Variants in STAC3 observed in about 807,000 individuals in gnomAD.
STAC3 encodes SH3 and cysteine-rich domain-containing protein 3.
A neutral mutation model predicts 48.5 loss-of-function variants in STAC3; 30 were observed. That is an observed-to-expected ratio of 0.62 (90% CI 0.46 to 0.84). STAC3 has a LOEUF of 0.84. Ranked by LOEUF, STAC3 falls within the 40% of genes least tolerant of loss-of-function variation. The pLI is 0.00. For missense variants in STAC3, 419 were observed against 462.6 expected (o/e 0.91, Z 0.86); for synonymous variants, 144 against 158.6 (o/e 0.91, Z 0.69).
intron 6 of STAC3, among the ~76,000 whole-genome samples, chr12:57,246,236 A>T (rs777014210): frequency 1.3e-5 from 2 of 152,014 alleles, no homozygotes; most frequent in Non-Finnish European, 2.9e-5. Context: ...ACAAGTCATT[A>T]ATTCACTCCA....
intron 4 of STAC3, 162 bp from the exon 5 acceptor site, chr12:57,248,360 C>T (rs2037809708): frequency 4.8e-6 from 3 of 623,426 alleles, no homozygotes; most frequent in Admixed American, 2.8e-5. Context: ...GGGTAGCTGG[C>T]TGGTGACATG....
chr12:57,249,683 T>C, intron 1 of STAC3, 46 bp from the exon 2 acceptor site: 1 of 1,603,198 alleles, frequency 6.2e-7, no homozygotes. Context: ...CCTTTCATTC[T>C]TCTCTCCCTT....
chr12:57,249,546 C>G (rs376707463), intron 2 of STAC3, 25 bp downstream of exon 2: 1 of 1,613,408 alleles, frequency 6.2e-7, no homozygotes, highest in Admixed American at 1.7e-5. Flanking sequence ...CCCCCCACAC[C>G]CAGTGGTCAG....
rs150268069 is a variant in STAC3, at chr12:57,244,071, T to A, written c.996+17A>T. The A allele has an allele frequency of 0.012, 18,621 of 1,613,870 alleles. 160 individuals carry two copies. The highest frequency in any genetic ancestry group is 0.014 in the Non-Finnish European group (16,578 of 1,179,966). On this transcript the variant is annotated intron_variant, in intron 11 of 11. Transcript: ENST00000332782. Reference sequence around the variant, plus strand: ...GGGAGCATTCAGGCCTGGGATTGGGTTGGGGCAACAGCCTACCTGGTCCTT... The same window carrying A: ...GGGAGCATTCAGGCCTGGGATTGGGATGGGGCAACAGCCTACCTGGTCCTT...
Position 57,245,215 on chromosome 12 carries a change from G to A in STAC3, c.604-4C>T. On this transcript the variant is annotated splice_region_variant and splice_polypyrimidine_tract_variant and intron_variant, in intron 6 of 11. Coordinates refer to ENST00000332782, the MANE Select transcript of STAC3 (RefSeq NM_145064.3). The stretch of plus-strand genomic sequence containing the variant: ...CCTCCATCATGGCTGCTACAGGCTG[G>A]AGGGGGCACCAGAGTTAGGGAGACG... The A allele has an allele frequency of 6.2e-7, 1 of 1,614,066 alleles. No homozygotes were observed. The highest frequency in any genetic ancestry group is 1.3e-5 in the African/African-American group (1 of 75,032).
In STAC3 at chr12:57,245,018, T is replaced by C. The variant is rs907430902; in HGVS notation, c.671-53A>G. On this transcript the variant is annotated intron_variant, in intron 7 of 11. Coordinates refer to ENST00000332782, the MANE Select transcript of STAC3 (RefSeq NM_145064.3). ...CTGTCTCCTGGAGGGCAATTCTTAT[T>C]CTCTTACCCTTTTGTGGAAGGGCCT... 3.7e-6 allele frequency: 6 copies of C among 1,610,046 alleles called. No individual in the cohort carries two copies. The African/African-American group carries it at 6.7e-5, about 18-fold the overall frequency.
Position 57,243,908 on chromosome 12 carries a change from G to A in STAC3, c.999C>T (p.Ile333=), listed in dbSNP as rs754352201. 2 of 1,613,598 alleles carry A rather than the reference G, an allele frequency of 1.2e-6. No individual in the cohort carries two copies. Among genetic ancestry groups the A allele is most frequent in the Non-Finnish European group, 8.5e-7 (1 of 1,179,850 alleles). The part of the protein sequence containing the change: ...IGQITLKKDQ[I]VVQKGDEAGG... The stretch of plus-strand genomic sequence containing the variant: ...CCGCTTCGTCTCCTTTCTGCACCAC[G>A]ATCTAGAAGATTAAAGGATCAGAAG... The change falls in exon 12 of 12, where the codon ATC becomes ATT. Residue 333 remains isoleucine, a splice_region_variant and synonymous_variant. Coordinates refer to ENST00000332782, the MANE Select transcript of STAC3 (RefSeq NM_145064.3).
chr12:57,249,845 T>C (rs900952056), intron 1 of STAC3: 5 of 509,912 alleles, frequency 9.8e-6, no homozygotes, highest in African/African-American at 9.7e-5. Context: ...AGCCTCGACC[T>C]CCCAGCCTGA....
intron 11 of STAC3, 30 bp downstream of exon 11, chr12:57,244,058 G>A (rs775847338): frequency 6.2e-7 from 1 of 1,613,976 alleles, no homozygotes; most frequent in Non-Finnish European, 8.5e-7. Flanking sequence ...GAGCATTCAG[G>A]CCTGGGATTG....
chr12:57,246,997 C>T (rs2037757653), intron 5 of STAC3, 96 bp from the exon 6 acceptor site: 6 of 1,251,398 alleles, frequency 4.8e-6, no homozygotes, highest in African/African-American at 1.5e-5. Flanking sequence ...GATGGATACC[C>T]ATGTGTGTGT....
At position 57,244,214 on chromosome 12, in the gene STAC3, C is replaced by G. The variant is rs142117531; in HGVS notation, c.870G>C (p.Gly290=). ...SNEEWWRGKI[G]EKVGFFPPNF... ...TTGGAGGGAAAAATCCGACCTTCTCCCCGATTTTCCCCTAGGGAAGATAGT... is the reference window on the plus strand; with the variant it reads ...TTGGAGGGAAAAATCCGACCTTCTCGCCGATTTTCCCCTAGGGAAGATAGT... The change falls in exon 11 of 12, where the codon GGG becomes GGC. Residue 290 remains glycine, a synonymous_variant. Transcript: ENST00000332782. 6.2e-7 allele frequency: 1 copy of G among 1,614,056 alleles called. No homozygotes were observed. The highest frequency in any genetic ancestry group is 1.3e-5 in the African/African-American group (1 of 74,922).
chr12:57,248,281 C>T, intron 4 of STAC3, 83 bp from the exon 5 acceptor site: 1 of 1,149,778 alleles, frequency 8.7e-7, no homozygotes, highest in South Asian at 1.2e-5. Context: ...CTCACCCTTT[C>T]TCAGAAAAAG....
At chr12:57,246,782 C>T (rs755416849) in intron 6 of STAC3, 22 bp downstream of exon 6, 10 of 1,605,514 alleles carry the variant, frequency 6.2e-6, no homozygotes, top group East Asian at 4.5e-5. Flanking sequence ...GGAGGGACCT[C>T]GTGGGGAGGT....
intron 9 of STAC3, 22 bp downstream of exon 9, chr12:57,244,515 C>T (rs747011351): frequency 1.2e-6 from 2 of 1,613,932 alleles, no homozygotes; most frequent in Non-Finnish European, 1.7e-6. Flanking sequence ...CAGTACCAGC[C>T]CCCTGCCCCA....
At chr12:57,247,074 A>G (rs2037760199) in intron 5 of STAC3, among the ~76,000 whole-genome samples, 173 bp from the exon 6 acceptor site, 1 of 152,126 alleles carries the variant, frequency 6.6e-6, no homozygotes, top group South Asian at 2.1e-4. Context: ...CCAGGACACC[A>G]ATCTATAAAG....
Position 57,244,187 on chromosome 12 carries a change from G to C in STAC3, c.897C>G (p.Asn299Lys). The change falls in exon 11 of 12, where the codon AAC becomes AAG. Residue 299 changes from asparagine to lysine, a missense_variant. By Grantham distance (94) the Asn-to-Lys change is moderately conservative. Transcript: ENST00000332782. ...CTCCAGCCCGGACCCGAATGATGAA[G>C]TTTGGAGGGAAAAATCCGACCTTCT... ...IGEKVGFFPP[N>K]FIIRVRAGER... 1 of 1,614,136 alleles carries C rather than the reference G, an allele frequency of 6.2e-7. No homozygotes were observed. Among genetic ancestry groups the C allele is most frequent in the Non-Finnish European group, 8.5e-7 (1 of 1,180,022 alleles).
intron 3 of STAC3, 36 bp downstream of exon 3, chr12:57,249,005 A>C (rs2037833520): frequency 6.4e-7 from 1 of 1,563,318 alleles, no homozygotes; most frequent in African/African-American, 1.4e-5. Context: ...CTCTGCCTTC[A>C]ATATCATACT....
In STAC3 at chr12:57,244,354, C is replaced by T. The variant is rs1429276510; in HGVS notation, c.819G>A (p.Lys273=). 6.8e-6 allele frequency: 11 copies of T among 1,614,186 alleles called. No homozygotes were observed. Among genetic ancestry groups the T allele is most frequent in the Non-Finnish European group, 7.6e-6 (9 of 1,180,042 alleles). Residue 273 remains lysine (K), a synonymous_variant, in exon 10 of 12, where the codon AAG becomes AAA. Coordinates refer to ENST00000332782, the MANE Select transcript of STAC3 (RefSeq NM_145064.3). ...CATTGGAGTCATCAATGACTGTGATCTTCTCTCCTGGCCTGGGAGGGGAAG... is the reference window on the plus strand; with the variant it reads ...CATTGGAGTCATCAATGACTGTGATTTTCTCTCCTGGCCTGGGAGGGGAAG... ...KDDLDFPPGE[K]ITVIDDSNEE...
At position 57,243,859 on chromosome 12, in the gene STAC3, C is replaced by T; in HGVS notation, c.1048G>A (p.Gly350Ser). ...EAGGYVKVYT[G>S]RKVGLFPTDF... is the part of the protein sequence containing the mutation. ...GTGGGAAACAGCCCCACCTTGCGGC[C>T]GGTGTAGACCTTGACGTAGCCGCCC... is the stretch of plus-strand genomic sequence containing the variant. Residue 350 changes from glycine (G) to serine (S), a missense_variant, in exon 12 of 12, where the codon GGC (glycine) becomes AGC (serine). Gly to Ser is a moderately conservative substitution (Grantham distance 56). Transcript: ENST00000332782. The T allele has an allele frequency of 6.2e-7, 1 of 1,614,128 alleles. No individual in the cohort carries two copies. Among genetic ancestry groups the T allele is most frequent in the Non-Finnish European group, 8.5e-7 (1 of 1,180,018 alleles).
Sources: gnomAD v4.1 joint callset for allele counts (sites outside exome capture counted in the v4.1 genomes callset) on GRCh38, gnomAD v4.1.1 for gene constraint, MANE v1.5 for transcripts, NCBI Gene and HGNC (gene_info 2026-07-23, HGNC 2026-07-21) for gene names.